The following PDE3B variants were observed in gnomAD, a reference collection of about 807,000 sequenced individuals.
PDE3B encodes the protein phosphodiesterase 3B.
A neutral mutation model predicts 116.8 loss-of-function variants in PDE3B; 66 were observed. The observed-to-expected ratio is 0.56, with a 90% CI of 0.46 to 0.69. The LOEUF (loss-of-function observed/expected upper bound fraction) is 0.69. PDE3B is among the 30% of genes least tolerant of loss of function. PDE3B has a pLI of 0.00. For synonymous variants in PDE3B, 595 were observed against 533.6 expected (o/e 1.12, Z -1.59); for missense variants, 1,384 against 1,368.1 (o/e 1.01, Z -0.18).
chr11:14,800,055 A>G (rs1858699749), intron 4 of PDE3B, among the ~76,000 whole-genome samples: 1 of 152,144 alleles, frequency 6.6e-6, no homozygotes, highest in South Asian at 2.1e-4. Context: ...ATGTTTTTGC[A>G]GTGGCTGGTA....
At chr11:14,891,028 C>T in the PDE3B span, 1 of 985,422 alleles carries the variant, frequency 1.0e-6, no homozygotes, top group Non-Finnish European at 1.2e-6. Context: ...GCTGTATCTG[C>T]CTTCTTCACC....
At chr11:14,677,565 T>G (rs1854567277) in intron 1 of PDE3B, among the ~76,000 whole-genome samples, 1 of 152,166 alleles carries the variant, frequency 6.6e-6, no homozygotes, top group Admixed American at 6.5e-5. Flanking sequence ...GTAAAATAGA[T>G]GTTTTTTGGT....
chr11:14,729,195 A>G (rs1856393522), intron 1 of PDE3B, among the ~76,000 whole-genome samples: 1 of 152,244 alleles, frequency 6.6e-6, no homozygotes, highest in African/African-American at 2.4e-5. Context: ...TGATGTGAAC[A>G]CAGAAAGCAT....
At position 14,644,249 on chromosome 11, in the gene PDE3B, G is replaced by A. The variant is rs1304047599; in HGVS notation, c.174G>A (p.Glu58=). The change falls in exon 1 of 16, where the codon GAG becomes GAA. Residue 58 remains glutamate (E), a synonymous_variant. Coordinates refer to ENST00000282096, the MANE Select transcript of PDE3B (RefSeq NM_000922.4). ...ACCTCTGCCGCTTCTGCAACGTGGA[G>A]CTGCGGCCGCCGCCGGCCTCTCCCC... ...FFHLCRFCNV[E]LRPPPASPQQ... 1.3e-6 allele frequency: 2 copies of A among 1,574,490 alleles called. No homozygotes were observed. Among genetic ancestry groups the A allele is most frequent in the Non-Finnish European group, 1.7e-6 (2 of 1,167,952 alleles).
At chr11:14,812,940 G>T (rs993324749) in intron 5 of PDE3B, among the ~76,000 whole-genome samples, 3 of 152,080 alleles carry the variant, frequency 2.0e-5, no homozygotes, top group Admixed American at 6.5e-5. Flanking sequence ...TCATGAATGG[G>T]ATGAGTGCCT....
intron 1 of PDE3B, among the ~76,000 whole-genome samples, chr11:14,710,500 A>G (rs1469797553): frequency 6.6e-6 from 1 of 152,200 alleles, no homozygotes; most frequent in Non-Finnish European, 1.5e-5. Context: ...GCATGTGACC[A>G]AAGTCCATCA....
intron 1 of PDE3B, among the ~76,000 whole-genome samples, chr11:14,714,145 T>C (rs768540454): frequency 3.3e-5 from 5 of 152,054 alleles, no homozygotes; most frequent in African/African-American, 4.8e-5. Context: ...CTGGTTAATC[T>C]AACCTGAGAT....
At chr11:14,851,033 C>T (rs1333764858) in intron 12 of PDE3B, among the ~76,000 whole-genome samples, 5 of 149,046 alleles carry the variant, frequency 3.4e-5, no homozygotes, top group South Asian at 2.1e-4. Flanking sequence ...CTGTGTTAGC[C>T]GGGATGGTCT....
At chr11:14,705,895 G>C (rs776632103) in intron 1 of PDE3B, among the ~76,000 whole-genome samples, 2 of 151,538 alleles carry the variant, frequency 1.3e-5, no homozygotes, top group African/African-American at 2.4e-5. Context: ...AATGTCTTTC[G>C]GTACTTATAT....
At chr11:14,700,137 T>C (rs1855321444) in intron 1 of PDE3B, among the ~76,000 whole-genome samples, 3 of 151,808 alleles carry the variant, frequency 2.0e-5, no homozygotes, top group African/African-American at 4.8e-5. Context: ...TAATAGTAAG[T>C]TTTATTTGCC....
At chr11:14,761,767 T>A (rs1857365772) in intron 1 of PDE3B, among the ~76,000 whole-genome samples, 2 of 152,154 alleles carry the variant, frequency 1.3e-5, no homozygotes, top group Non-Finnish European at 2.9e-5. Flanking sequence ...TGACAAAACT[T>A]ATTTATTTAG....
intron 7 of PDE3B, among the ~76,000 whole-genome samples, chr11:14,824,961 C>T (rs1157925027): frequency 6.6e-6 from 1 of 151,852 alleles, no homozygotes; most frequent in Non-Finnish European, 1.5e-5. Flanking sequence ...CCAGAAGAGC[C>T]TGGGCTCCTA....
At chr11:14,655,935 G>A (rs368704534) in intron 1 of PDE3B, among the ~76,000 whole-genome samples, 1 of 152,094 alleles carries the variant, frequency 6.6e-6, no homozygotes, top group Non-Finnish European at 1.5e-5. Flanking sequence ...TAAACTTTTT[G>A]ATTTATTCAG....
intron 2 of PDE3B, among the ~76,000 whole-genome samples, chr11:14,778,726 GA>G (rs1374735553): frequency 2.6e-5 from 4 of 152,220 alleles, no homozygotes. Context: ...AACCAGAGCA[GA>G]AAAGCTGAAA....
chr11:14,676,851 A>AT (rs1237347572), intron 1 of PDE3B, among the ~76,000 whole-genome samples: 1 of 152,016 alleles, frequency 6.6e-6, no homozygotes, highest in Non-Finnish European at 1.5e-5. Context: ...TAATGCACTA[A>AT]TTTTTTTCCT....
At chr11:14,796,642 GT>G in intron 4 of PDE3B, among the ~76,000 whole-genome samples, 1 of 152,300 alleles carries the variant, frequency 6.6e-6, no homozygotes, top group African/African-American at 2.4e-5. Flanking sequence ...TTTTTCATAT[GT>G]TTGTTGGCTG....
intron 1 of PDE3B, among the ~76,000 whole-genome samples, chr11:14,693,328 A>G (rs376427659): frequency 6.6e-6 from 1 of 152,234 alleles, no homozygotes; most frequent in Non-Finnish European, 1.5e-5. Flanking sequence ...AGGTGGCTGC[A>G]CTAAACAACA....
At chr11:14,648,706 C>T (rs78151942) in intron 1 of PDE3B, among the ~76,000 whole-genome samples, 128 of 152,120 alleles carry the variant, frequency 8.4e-4, no homozygotes, top group African/African-American at 3.0e-3. Context: ...CTGTTCATGC[C>T]CTTGACCCTT....
chr11:14,742,972 C>G (rs1011035655), intron 1 of PDE3B, among the ~76,000 whole-genome samples: 7 of 152,118 alleles, frequency 4.6e-5, no homozygotes, highest in South Asian at 4.1e-4. Context: ...TAGATGCCAG[C>G]CAGAGCTCTC....
Sources: allele counts gnomAD v4.1 joint callset (sites outside exome capture counted in the v4.1 genomes callset), GRCh38; gene constraint gnomAD v4.1.1; transcripts MANE v1.5; gene names NCBI Gene and HGNC (gene_info 2026-07-23, HGNC 2026-07-21).